The following ZNF16 variants were observed in gnomAD, a reference collection of about 807,000 sequenced individuals.
ZNF16 encodes the protein zinc finger protein 16, also known as zinc finger protein KOX9.
ZNF16 carries 7 observed loss-of-function variants against 9.0 expected under a neutral mutation model. The observed-to-expected ratio is 0.78, with a 90% CI of 0.44 to 1.47. ZNF16 has a LOEUF of 1.47. Among genes scored for constraint, ZNF16 ranks in the 40% most tolerant of loss-of-function variants. The probability of loss-of-function intolerance (pLI) is 0.01; values close to 1 mark genes in which losing one functional copy is unlikely to be tolerated. For missense variants in ZNF16, 830 were observed against 854.2 expected, an observed-to-expected ratio of 0.97 and a Z score of 0.35; for synonymous variants, 312 against 301.5, an observed-to-expected ratio of 1.03 and a Z score of -0.36.
At chr8:144,950,460 C>A (rs1004447735) in intron 1 of ZNF16, 16 of 152,244 alleles carry the variant, frequency 1.1e-4, no homozygotes, top group African/African-American at 3.9e-4. Flanking sequence ...CGTCGCTCCG[C>A]CCGAGCTCGA....
intron 1 of ZNF16, among the ~76,000 whole-genome samples, chr8:144,946,931 T>TCTGTGGGCCTGTACCCTG (rs1325842473): frequency 9.9e-6 from 1 of 100,840 alleles, no homozygotes; most frequent in Non-Finnish European, 1.8e-5. Context: ...GCCATACCCT[T>TCTGTGGGCCTGTACCCTG]CTGTGGGCCT....
intron 1 of ZNF16, among the ~76,000 whole-genome samples, chr8:144,946,696 TGTGGGCCC>T (rs2130057150): frequency 3.4e-5 from 4 of 117,006 alleles, no homozygotes; most frequent in African/African-American, 1.4e-4. Flanking sequence ...CATACCCTGC[TGTGGGCCC>T]GTGTCCTGCT....
intron 2 of ZNF16, 154 bp downstream of exon 2, chr8:144,945,857 C>G: frequency 7.1e-7 from 1 of 1,401,632 alleles, no homozygotes; most frequent in Non-Finnish European, 9.4e-7. Flanking sequence ...GGTTAACTTC[C>G]TTGCTGACAT....
intron 2 of ZNF16, among the ~76,000 whole-genome samples, chr8:144,943,597 G>A (rs1489966238): frequency 6.6e-6 from 1 of 151,784 alleles, no homozygotes; most frequent in Non-Finnish European, 1.5e-5. Context: ...TCGGCTCAAT[G>A]CAACCTCCGC....
chr8:144,931,727 A>T lies in ZNF16; in HGVS notation c.1060T>A (p.Cys354Ser), dbSNP rs1833549605. 1.2e-6 allele frequency: 2 copies of T among 1,613,858 alleles called. No individual in the cohort carries two copies. Among genetic ancestry groups the T allele is most frequent in the Admixed American group, 3.3e-5 (2 of 59,996 alleles). The change falls in exon 3 of 3, where the codon TGT becomes AGT. Residue 354 changes from cysteine to serine, a missense_variant. Coordinates refer to ENST00000394909, the MANE Select transcript of ZNF16 (RefSeq NM_006958.3). ...GAGCTTCGCCTGAAGGCCTTCCCAC[A>T]CTCACTGCACACATACGGTTTCTCC... ...SGEKPYVCSE[C>S]GKAFRRSSNL... is the part of the protein sequence containing the mutation.
In ZNF16 at chr8:144,930,936, A is replaced by G. The variant is rs772618357; in HGVS notation, c.1851T>C (p.Ile617=). The change falls in exon 3 of 3, where the codon ATT becomes ATC. Residue 617 remains isoleucine (I), a synonymous_variant. Coordinates refer to ENST00000394909, the MANE Select transcript of ZNF16 (RefSeq NM_006958.3). The part of the protein sequence containing the change: ...GKGFSQSSHL[I]QHQIIHTGER... ...CGCCCGTGTGGATTATCTGATGCTG[A>G]ATGAGGTGTGAGCTCTGGCTGAAGC... 30 of 1,613,108 alleles carry G rather than the reference A, an allele frequency of 1.9e-5. No individual in the cohort carries two copies. Among genetic ancestry groups the G allele is most frequent in the Non-Finnish European group, 2.5e-5 (29 of 1,179,662 alleles).
chr8:144,946,942 G>A (rs1208294707), intron 1 of ZNF16, among the ~76,000 whole-genome samples: 3 of 108,530 alleles, frequency 2.8e-5, no homozygotes, highest in African/African-American at 8.6e-5. Context: ...CTGTGGGCCT[G>A]TACCCTGCTG....
rs766005352 is a variant in ZNF16 at position 144,931,599 on chromosome 8, C to G, written c.1188G>C (p.Gln396His). ...AAGGCTTCTCTCCAGTGTGGACCCT[C>G]TGGTGCTTCCTCAGGTGTGCACTCT... ...FSQSAHLRKH[Q>H]RVHTGEKPYE... is the part of the protein sequence containing the mutation. Residue 396 changes from glutamine to histidine, a missense_variant, in exon 3 of 3, where the codon CAG (glutamine) becomes CAC (histidine). Gln to His is a conservative substitution (Grantham distance 24). Coordinates refer to ENST00000394909, the MANE Select transcript of ZNF16 (RefSeq NM_006958.3). 1 of 1,614,048 alleles carries G rather than the reference C, an allele frequency of 6.2e-7. No individual in the cohort carries two copies. Among genetic ancestry groups the G allele is most frequent in the Middle Eastern group, 1.6e-4 (1 of 6,062 alleles).
At chr8:144,949,856 T>A (rs1362844465) in intron 1 of ZNF16, among the ~76,000 whole-genome samples, 3 of 152,076 alleles carry the variant, frequency 2.0e-5, no homozygotes, top group African/African-American at 7.2e-5. Context: ...GACCTGACCG[T>A]CCCCCAGCCC....
chr8:144,941,949 G>A (rs578162732), intron 2 of ZNF16, among the ~76,000 whole-genome samples: 1 of 148,712 alleles, frequency 6.7e-6, no homozygotes, highest in South Asian at 2.1e-4. Flanking sequence ...GAGCCACCGC[G>A]CCTGGCCTCT....
chr8:144,937,252 A>G (rs1377470683), intron 2 of ZNF16, among the ~76,000 whole-genome samples: 1 of 150,168 alleles, frequency 6.7e-6, no homozygotes, highest in Non-Finnish European at 1.5e-5. Context: ...GTTCAAGCAA[A>G]AGCCTCCAGA....
At chr8:144,939,323 G>A (rs1356974855) in intron 2 of ZNF16, among the ~76,000 whole-genome samples, 1 of 152,118 alleles carries the variant, frequency 6.6e-6, no homozygotes, top group East Asian at 1.9e-4. Flanking sequence ...AATCCATTGT[G>A]GGCCAGGCAC....
chr8:144,941,470 T>C (rs1280673496), intron 2 of ZNF16, among the ~76,000 whole-genome samples: 1 of 152,224 alleles, frequency 6.6e-6, no homozygotes, highest in Non-Finnish European at 1.5e-5. Context: ...GACCATGTTT[T>C]CTTACACATT....
At chr8:144,946,420 A>G (rs896825743) in intron 1 of ZNF16, among the ~76,000 whole-genome samples, 3 of 151,830 alleles carry the variant, frequency 2.0e-5, no homozygotes, top group African/African-American at 7.3e-5. Flanking sequence ...CAGACTCAAA[A>G]GCCAGGGCCA....
chr8:144,937,468 C>T (rs562125869), intron 2 of ZNF16, among the ~76,000 whole-genome samples: 9 of 152,074 alleles, frequency 5.9e-5, no homozygotes, highest in African/African-American at 1.9e-4. Context: ...TTTTGATATT[C>T]AAGTTTTAAA....
At chr8:144,936,478 A>G (rs148063368) in intron 2 of ZNF16, among the ~76,000 whole-genome samples, 15 of 152,324 alleles carry the variant, frequency 9.8e-5, no homozygotes, top group Non-Finnish European at 1.2e-4. Flanking sequence ...ATTATTTTTC[A>G]GAGTAGTTAT....
chr8:144,930,798 C>T lies in ZNF16; in HGVS notation c.1989G>A (p.Gly663=). The T allele has an allele frequency of 6.4e-7, 1 of 1,552,992 alleles. No individual in the cohort carries two copies. The highest frequency in any genetic ancestry group is 8.7e-7 in the Non-Finnish European group (1 of 1,152,340). ...ACTTTGATCGCTGGCTGAAGGCTTT[C>T]CCACAAGCAGCACAGTCATAGGGCT... is the stretch of plus-strand genomic sequence containing the variant. ...GVKPYDCAAC[G]KAFSQRSKLI... The change falls in exon 3 of 3, where the codon GGG becomes GGA. Residue 663 remains glycine (G), a synonymous_variant. Transcript: ENST00000394909.
In ZNF16 at chr8:144,932,007, C is replaced by T. The variant is rs750846387; in HGVS notation, c.780G>A (p.Met260Ile). 1.2e-6 allele frequency: 2 copies of T among 1,614,136 alleles called. No homozygotes were observed. The highest frequency in any genetic ancestry group is 1.1e-5 in the South Asian group (1 of 91,072). The change falls in exon 3 of 3, where the codon ATG (methionine) becomes ATA (isoleucine). Residue 260 changes from methionine (M) to isoleucine (I), a missense_variant. By Grantham distance (10) the Met-to-Ile change is conservative (BLOSUM62 1). Coordinates refer to ENST00000394909, the MANE Select transcript of ZNF16 (RefSeq NM_006958.3). The surrounding 1 kb of genome is among the most constrained non-coding windows in gnomAD (Gnocchi z 5.0). ...CGCTGCACTGGTAAGCTTTCTCACT[C>T]ATATGAGATCGATGACGGTTTTTAA... ...SVLKNRHRSH[M>I]SEKAYQCSEC...
chr8:144,942,188 C>T (rs904532770), intron 2 of ZNF16, among the ~76,000 whole-genome samples: 4 of 150,790 alleles, frequency 2.7e-5, no homozygotes, highest in East Asian at 2.0e-4. Flanking sequence ...CTGTGTTAGC[C>T]GGGATGGTCT....
Sources: allele counts gnomAD v4.1 joint callset (sites outside exome capture counted in the v4.1 genomes callset), GRCh38; gene constraint gnomAD v4.1.1; non-coding constraint Gnocchi (gnomAD v3.1); transcripts MANE v1.5; gene names NCBI Gene and HGNC (gene_info 2026-07-23, HGNC 2026-07-21).